Variants in KMT2E observed in about 807,000 individuals in gnomAD.
The protein encoded by KMT2E is histone reader KMT2E.
In KMT2E, 30 loss-of-function variants were observed where a neutral mutation model predicts 184.6. The ratio of observed to expected loss-of-function variants is 0.16; its 90% CI spans 0.12 to 0.22. The LOEUF (loss-of-function observed/expected upper bound fraction) is 0.22, where lower values mean the gene tolerates loss of function less well. Ranked by LOEUF, KMT2E falls within the 10% of genes least tolerant of loss-of-function variation. The pLI is 1.00. For synonymous variants in KMT2E, 815 were observed against 776.5 expected, an observed-to-expected ratio of 1.05 and a Z score of -0.82; for missense variants, 2,023 against 2,237.4, an observed-to-expected ratio of 0.90 and a Z score of 1.93.
At chr7:105,087,988 T>C (rs1168856695) in intron 13 of KMT2E, among the ~76,000 whole-genome samples, 2 of 152,150 alleles carry the variant, frequency 1.3e-5, no homozygotes, top group African/African-American at 2.4e-5. Context: ...CTTGGTGAAA[T>C]CCCTTTTCCT....
At chr7:105,073,793 G>A in intron 7 of KMT2E, 116 bp downstream of exon 7, 1 of 651,466 alleles carries the variant, frequency 1.5e-6, no homozygotes, top group African/African-American at 1.8e-5. Flanking sequence ...CCTTGTTGAT[G>A]AATGTTGATT....
Position 105,113,453 on chromosome 7 carries a change from T to C in KMT2E, c.*120T>C. 9.2e-7 allele frequency: 1 copy of C among 1,090,012 alleles called. No homozygotes were observed. The highest frequency in any genetic ancestry group is 1.3e-6 in the Non-Finnish European group (1 of 795,508). The allele number at this position is 1,090,012 out of a possible 1,614,324, so 67.5% of individuals were successfully genotyped here. A position where few individuals can be genotyped will look rare whatever the true frequency, so the allele number is the denominator to read the frequency against. ...ACCTTTGTATAAAAAACACCAGTGC[T>C]CTTTCGTTGTATTTTTCTCATTTTT... On this transcript the variant is annotated 3_prime_UTR_variant, in exon 27 of 27. Transcript: ENST00000311117.
At chr7:105,109,802 A>G (rs947320486) in intron 23 of KMT2E, among the ~76,000 whole-genome samples, 2 of 152,080 alleles carry the variant, frequency 1.3e-5, no homozygotes, top group Non-Finnish European at 2.9e-5. Context: ...AAATAAGGAT[A>G]ATAATCTCAG....
chr7:105,041,297 A>G (rs891274519), intron 3 of KMT2E, among the ~76,000 whole-genome samples: 1 of 152,150 alleles, frequency 6.6e-6, no homozygotes, highest in African/African-American at 2.4e-5. Context: ...CTGAGAAGCG[A>G]TACATTTTTT....
At chr7:105,101,344 A>T in intron 15 of KMT2E, 81 bp from the exon 16 acceptor site, 1 of 957,352 alleles carries the variant, frequency 1.0e-6, no homozygotes, top group Non-Finnish European at 1.5e-6. Context: ...ATTATTTTTT[A>T]CATTTATCAC....
At chr7:105,051,189 C>G (rs760607669) in intron 3 of KMT2E, among the ~76,000 whole-genome samples, 2 of 145,328 alleles carry the variant, frequency 1.4e-5, no homozygotes, top group Non-Finnish European at 3.0e-5. Flanking sequence ...TTTTTCCTTC[C>G]TTCCTTCCTT....
At chr7:105,086,417 T>C (rs1797966104) in intron 13 of KMT2E, among the ~76,000 whole-genome samples, 1 of 152,154 alleles carries the variant, frequency 6.6e-6, no homozygotes. Context: ...GCTGTACTTC[T>C]TTACTCCTAA....
intron 12 of KMT2E, among the ~76,000 whole-genome samples, chr7:105,080,936 G>A (rs1797739736): frequency 6.6e-6 from 1 of 152,158 alleles, no homozygotes; most frequent in Admixed American, 6.5e-5. Context: ...CTGAGAGGTT[G>A]GGGTTGCAGT....
chr7:105,099,681 A>G (rs1456148934), intron 15 of KMT2E, among the ~76,000 whole-genome samples: 3 of 152,176 alleles, frequency 2.0e-5, no homozygotes, highest in African/African-American at 7.2e-5. Context: ...TTGGGTGCCC[A>G]CCTGTGGGTA....
chr7:105,060,175 A>G (rs1346473429), intron 3 of KMT2E, among the ~76,000 whole-genome samples: 1 of 151,096 alleles, frequency 6.6e-6, no homozygotes, highest in Non-Finnish European at 1.5e-5. Flanking sequence ...TTGTATTTTT[A>G]GTAGAGATGG....
intron 1 of KMT2E, among the ~76,000 whole-genome samples, chr7:105,028,260 C>T (rs1178970673): frequency 1.3e-5 from 2 of 151,882 alleles, no homozygotes; most frequent in African/African-American, 4.8e-5. Context: ...CCTCCGCCTC[C>T]TGTGTTCAAG....
At chr7:105,021,056 TAAAG>T in intron 1 of KMT2E, among the ~76,000 whole-genome samples, 1 of 152,228 alleles carries the variant, frequency 6.6e-6, no homozygotes, top group Non-Finnish European at 1.5e-5. Flanking sequence ...ATGTAACATT[TAAAG>T]AAAGACAGCG....
chr7:105,076,502 A>G (rs1347129391), intron 9 of KMT2E, among the ~76,000 whole-genome samples: 2 of 152,242 alleles, frequency 1.3e-5, no homozygotes, highest in Admixed American at 1.3e-4. Flanking sequence ...TAGAACAACC[A>G]TATCAATACA....
At chr7:105,065,770 G>A (rs1446979877) in intron 5 of KMT2E, among the ~76,000 whole-genome samples, 4 of 151,978 alleles carry the variant, frequency 2.6e-5, no homozygotes, top group Non-Finnish European at 5.9e-5. Flanking sequence ...ATGAAACCAC[G>A]AAAAGCAAAC....
chr7:105,110,417 T>C (rs374474124), intron 24 of KMT2E, 49 bp downstream of exon 24: 1 of 1,614,058 alleles, frequency 6.2e-7, no homozygotes, highest in South Asian at 1.1e-5. Context: ...TTAATCACTC[T>C]GCATCCTCGT....
intron 13 of KMT2E, among the ~76,000 whole-genome samples, chr7:105,082,428 T>C (rs1466578334): frequency 1.3e-5 from 2 of 152,222 alleles, no homozygotes; most frequent in Non-Finnish European, 2.9e-5. Context: ...TTAACACATA[T>C]TCTGTATGTC....
intron 17 of KMT2E, 199 bp from the exon 18 acceptor site, chr7:105,105,240 T>C (rs1336450992): frequency 2.4e-6 from 1 of 423,260 alleles, no homozygotes; most frequent in Non-Finnish European, 4.1e-6. Context: ...TACAAAATAA[T>C]TGGGTAAAAA....
chr7:105,084,728 T>A (rs1451856658), intron 13 of KMT2E, among the ~76,000 whole-genome samples: 1 of 152,066 alleles, frequency 6.6e-6, no homozygotes, highest in Non-Finnish European at 1.5e-5. Context: ...TACTGAGAGA[T>A]GAACTGCTCC....
chr7:105,061,383 T>C (rs1403995194), intron 3 of KMT2E, among the ~76,000 whole-genome samples: 2 of 152,342 alleles, frequency 1.3e-5, no homozygotes, highest in Non-Finnish European at 2.9e-5. Context: ...AATCATGTTA[T>C]TGAGTATTTG....
Sources: gnomAD v4.1 joint callset for allele counts (sites outside exome capture counted in the v4.1 genomes callset) on GRCh38, gnomAD v4.1.1 for gene constraint, MANE v1.5 for transcripts, NCBI Gene and HGNC (gene_info 2026-07-23, HGNC 2026-07-21) for gene names.